The following HS6ST3 variants were observed in gnomAD, a reference collection of about 807,000 sequenced individuals.
HS6ST3 encodes heparan-sulfate 6-O-sulfotransferase 3.
A neutral mutation model predicts 36.7 loss-of-function variants in HS6ST3; 12 were observed. That is an observed-to-expected ratio of 0.33 (90% CI 0.21 to 0.53). The LOEUF (loss-of-function observed/expected upper bound fraction) is 0.53. HS6ST3 is among the 20% of genes least tolerant of loss of function. The pLI, the probability that HS6ST3 is intolerant of heterozygous loss-of-function variation, is 0.95. For synonymous variants in HS6ST3, 240 were observed against 257.5 expected (o/e 0.93, Z 0.65); for missense variants, 584 against 640.9 (o/e 0.91, Z 0.96).
intron 1 of HS6ST3, among the ~76,000 whole-genome samples, chr13:96,521,776 A>G (rs2056094518): frequency 6.6e-6 from 1 of 151,832 alleles, no homozygotes; most frequent in Non-Finnish European, 1.5e-5. Context: ...CAGTCTATCT[A>G]TTTTGTTGAT....
At chr13:96,324,366 A>G (rs553332994) in intron 1 of HS6ST3, among the ~76,000 whole-genome samples, 1 of 152,300 alleles carries the variant, frequency 6.6e-6, no homozygotes, top group African/African-American at 2.4e-5. Context: ...AATCAAGTGA[A>G]GAAGGTGTTT....
At chr13:96,233,008 C>T (rs750777220) in intron 1 of HS6ST3, among the ~76,000 whole-genome samples, 1 of 152,152 alleles carries the variant, frequency 6.6e-6, no homozygotes, top group Non-Finnish European at 1.5e-5. Context: ...TAATTTCATA[C>T]TTTTGGTAAA....
intron 1 of HS6ST3, among the ~76,000 whole-genome samples, chr13:96,598,801 A>G (rs56057335): frequency 0.034 from 5,138 of 152,204 alleles, 235 homozygotes; most frequent in African/African-American, 0.1. Flanking sequence ...TATGATATTA[A>G]CTTTGGGTTT....
At chr13:96,345,211 T>C (rs1380046150) in intron 1 of HS6ST3, among the ~76,000 whole-genome samples, 1 of 152,214 alleles carries the variant, frequency 6.6e-6, no homozygotes, top group Admixed American at 6.5e-5. Flanking sequence ...TCATAGTGCC[T>C]GTTTTTCATA....
At chr13:96,242,515 G>A (rs916246056) in intron 1 of HS6ST3, among the ~76,000 whole-genome samples, 1 of 152,226 alleles carries the variant, frequency 6.6e-6, no homozygotes, top group Non-Finnish European at 1.5e-5. Context: ...CACTGTGCCC[G>A]ACCCAAGTCT....
Position 96,499,350 on chromosome 13 carries a change from T to C in HS6ST3, c.708-333140T>C, listed in dbSNP as rs368758442. On this transcript the variant is annotated intron_variant, in intron 1 of 1. Coordinates refer to ENST00000376705, the MANE Select transcript of HS6ST3 (RefSeq NM_153456.4). Reference sequence around the variant, plus strand: ...CCTGTTCACACATTTCTTCAACAAATGATCATTGAGCACATAGTACATATC... The same window carrying C: ...CCTGTTCACACATTTCTTCAACAAACGATCATTGAGCACATAGTACATATC... Among the ~76,000 whole-genome samples, 7 of 152,138 alleles carry C rather than the reference T, an allele frequency of 4.6e-5. No homozygotes were observed. In the East Asian group the frequency reaches 1.2e-3, roughly 25 times the overall value.
At chr13:96,258,266 C>G (rs2139381534) in intron 1 of HS6ST3, among the ~76,000 whole-genome samples, 1 of 152,188 alleles carries the variant, frequency 6.6e-6, no homozygotes, top group East Asian at 1.9e-4. Flanking sequence ...CTTCTAAATC[C>G]TGGATAATAT....
chr13:96,121,185 C>T (rs545432858), intron 1 of HS6ST3, among the ~76,000 whole-genome samples: 130 of 152,276 alleles, frequency 8.5e-4, no homozygotes, highest in African/African-American at 2.9e-3. Context: ...GCCTTCCTTT[C>T]CCTTTCTGGT....
At chr13:96,192,775 A>G (rs575744251) in intron 1 of HS6ST3, among the ~76,000 whole-genome samples, 2 of 151,922 alleles carry the variant, frequency 1.3e-5, no homozygotes, top group Admixed American at 1.3e-4. Flanking sequence ...TAGATACTCA[A>G]TAATGGGATT....
intron 1 of HS6ST3, among the ~76,000 whole-genome samples, chr13:96,499,029 AT>A (rs5805974): frequency 0.73 from 92,349 of 126,712 alleles, 34,731 homozygotes; most frequent in Non-Finnish European, 0.86. Flanking sequence ...TTGTTCACAC[AT>A]TTTTTTTTTT....
In HS6ST3 at chr13:96,537,662, G is replaced by A. The variant is rs148508239; in HGVS notation, c.708-294828G>A. 1.5e-3 allele frequency among the ~76,000 whole-genome samples: 236 copies of A among 152,274 alleles called. 6 individuals are homozygous for A. In the East Asian group the frequency reaches 0.039, roughly 25 times the overall value. On this transcript the variant is annotated intron_variant, in intron 1 of 1. Coordinates refer to ENST00000376705, the MANE Select transcript of HS6ST3 (RefSeq NM_153456.4). ...TTGACTTACTTAATGACTAGAAGTAGGGTGTTATTCTCAGTTAAATGTTAA... is the reference window on the plus strand; with the variant it reads ...TTGACTTACTTAATGACTAGAAGTAAGGTGTTATTCTCAGTTAAATGTTAA...
intron 1 of HS6ST3, among the ~76,000 whole-genome samples, chr13:96,398,212 A>G (rs1471523081): frequency 6.6e-6 from 1 of 152,160 alleles, no homozygotes; most frequent in African/African-American, 2.4e-5. Flanking sequence ...TGTCATGGCA[A>G]CTATTATAAG....
chr13:96,549,081 G>A (rs1299357830), intron 1 of HS6ST3, among the ~76,000 whole-genome samples: 1 of 152,122 alleles, frequency 6.6e-6, no homozygotes, highest in East Asian at 1.9e-4. Flanking sequence ...TTCCTCATAC[G>A]GTGCAGTTTG....
intron 1 of HS6ST3, among the ~76,000 whole-genome samples, chr13:96,753,968 A>G (rs1030671865): frequency 1.3e-5 from 2 of 151,936 alleles, no homozygotes; most frequent in Admixed American, 6.6e-5. Context: ...ACAGGCGCCC[A>G]CTACCACGCC....
At position 96,777,855 on chromosome 13, in the gene HS6ST3, C is replaced by T. The variant is rs143615984; in HGVS notation, c.708-54635C>T. ...TTTCATTTGGAACAAAAAAAGAGCT[C>T]GTATAGCCAAGACAATCCTAAGCAA... is the stretch of plus-strand genomic sequence containing the variant. On this transcript the variant is annotated intron_variant, in intron 1 of 1. Coordinates refer to ENST00000376705, the MANE Select transcript of HS6ST3 (RefSeq NM_153456.4). 5.0e-4 allele frequency among the ~76,000 whole-genome samples: 76 copies of T among 152,162 alleles called. 1 individual carries two copies. The East Asian group carries it at 0.013, about 25-fold the overall frequency.
In HS6ST3 at chr13:96,508,528, C is replaced by T. The variant is rs77827073; in HGVS notation, c.708-323962C>T. Among the ~76,000 whole-genome samples the T allele has an allele frequency of 2.0e-3, 307 of 152,152 alleles. 5 individuals carry two copies. In the East Asian group the frequency reaches 0.045, roughly 23 times the overall value. On this transcript the variant is annotated intron_variant, in intron 1 of 1. Coordinates refer to ENST00000376705, the MANE Select transcript of HS6ST3 (RefSeq NM_153456.4). The stretch of plus-strand genomic sequence containing the variant: ...AGTTTTTTGTATCCCTAAGCCCCTT[C>T]CAATCCTCCTCTTCCTGAATCTCTA...
chr13:96,526,698 T>C (rs2056115779), intron 1 of HS6ST3, among the ~76,000 whole-genome samples: 1 of 152,236 alleles, frequency 6.6e-6, no homozygotes, highest in Non-Finnish European at 1.5e-5. Context: ...CTGATAATTA[T>C]TGTTATTACT....
intron 1 of HS6ST3, among the ~76,000 whole-genome samples, chr13:96,715,896 T>A (rs986648474): frequency 9.9e-5 from 15 of 152,094 alleles, no homozygotes; most frequent in Admixed American, 1.3e-4. Flanking sequence ...TGGAGACACT[T>A]TACTGTTTTC....
chr13:96,559,944 C>T (rs143268716), intron 1 of HS6ST3, among the ~76,000 whole-genome samples: 1 of 152,196 alleles, frequency 6.6e-6, no homozygotes, highest in East Asian at 1.9e-4. Context: ...TCAGTGTTAC[C>T]TATGACCATT....
Sources: allele counts gnomAD v4.1 joint callset (sites outside exome capture counted in the v4.1 genomes callset), GRCh38; gene constraint gnomAD v4.1.1; transcripts MANE v1.5; gene names NCBI Gene and HGNC (gene_info 2026-07-23, HGNC 2026-07-21).